Variants in RANBP2 observed in about 807,000 individuals in gnomAD.
The protein encoded by RANBP2 is RAN binding protein 2, also known as E3 SUMO-protein ligase RanBP2.
A neutral mutation model predicts 303.6 loss-of-function variants in RANBP2; 57 were observed. The ratio of observed to expected loss-of-function variants is 0.19; its 90% CI spans 0.15 to 0.23. RANBP2 has a LOEUF of 0.23. RANBP2 is among the 10% of genes least tolerant of loss of function. RANBP2 has a pLI of 1.00. For missense variants in RANBP2, 3,138 were observed against 3,780.8 expected, an observed-to-expected ratio of 0.83 and a Z score of 4.46; for synonymous variants, 1,167 against 1,301.5, an observed-to-expected ratio of 0.90 and a Z score of 2.23.
At chr2:109,211,480 C>T in the RANBP2 span, among the ~76,000 whole-genome samples, 1 of 152,072 alleles carries the variant, frequency 6.6e-6, no homozygotes, top group African/African-American at 2.4e-5. Flanking sequence ...TGCAGATGGG[C>T]GCAACTGCGG....
At chr2:109,246,573 T>G in the RANBP2 span, among the ~76,000 whole-genome samples, 2 of 151,662 alleles carry the variant, frequency 1.3e-5, no homozygotes, top group Non-Finnish European at 1.5e-5. Flanking sequence ...GGCTGGAGAG[T>G]GTAGATGTTT....
the RANBP2 span, among the ~76,000 whole-genome samples, chr2:108,796,134 C>A: frequency 6.6e-6 from 1 of 152,068 alleles, no homozygotes; most frequent in Non-Finnish European, 1.5e-5. Flanking sequence ...CTGCAAGCTC[C>A]GCCTCCTGGG....
chr2:109,737,538 G>A, the RANBP2 span: 4 of 529,598 alleles, frequency 7.6e-6, no homozygotes, highest in Non-Finnish European at 6.6e-6. Flanking sequence ...AGTGGAGGCA[G>A]AAAGCCAGAT....
chr2:109,103,886 T>A, the RANBP2 span, among the ~76,000 whole-genome samples: 40 of 151,804 alleles, frequency 2.6e-4, no homozygotes, highest in Non-Finnish European at 5.3e-4. Context: ...CTCTGCCTCC[T>A]GAGTTCACAC....
chr2:109,230,616 A>G, the RANBP2 span, among the ~76,000 whole-genome samples: 9 of 152,286 alleles, frequency 5.9e-5, no homozygotes, highest in Admixed American at 1.3e-4. Context: ...CTGTAACCCC[A>G]TTGTAAGTCA....
chr2:109,133,435 A>C, the RANBP2 span, among the ~76,000 whole-genome samples: 12 of 152,350 alleles, frequency 7.9e-5, no homozygotes, highest in African/African-American at 2.9e-4. Flanking sequence ...TTTTATAAGC[A>C]TACACGTGTA....
At chr2:109,743,414 GCTGA>G in the RANBP2 span, among the ~76,000 whole-genome samples, 9 of 147,488 alleles carry the variant, frequency 6.1e-5, no homozygotes, top group Admixed American at 2.1e-4. Context: ...CATGGGTTTG[GCTGA>G]CTTTTTAGGT....
the RANBP2 span, among the ~76,000 whole-genome samples, chr2:109,407,940 A>G: frequency 6.6e-6 from 1 of 152,156 alleles, no homozygotes. Context: ...GGGTGCTGGC[A>G]GTGTTTCTTT....
the RANBP2 span, among the ~76,000 whole-genome samples, chr2:109,652,826 C>T: frequency 0.076 from 11,569 of 152,150 alleles, 1,473 homozygotes; most frequent in African/African-American, 0.26. Context: ...AGAGATGTTT[C>T]GCGTTCTAGA....
chr2:109,200,925 G>C, the RANBP2 span, among the ~76,000 whole-genome samples: 1 of 152,160 alleles, frequency 6.6e-6, no homozygotes, highest in Admixed American at 6.5e-5. Context: ...GGTGCTGTTG[G>C]GATAGTGCAG....
chr2:109,284,856 G>A, the RANBP2 span, among the ~76,000 whole-genome samples: 1 of 152,340 alleles, frequency 6.6e-6, no homozygotes, highest in South Asian at 2.1e-4. Context: ...GTGGCTTCAT[G>A]TAGGTTGATG....
the RANBP2 span, among the ~76,000 whole-genome samples, chr2:109,104,994 C>T: frequency 6.6e-6 from 1 of 152,176 alleles, no homozygotes; most frequent in African/African-American, 2.4e-5. Context: ...GCTAGGTAGA[C>T]ATGAGCAGGG....
At chr2:109,272,971 A>G in the RANBP2 span, among the ~76,000 whole-genome samples, 516 of 152,328 alleles carry the variant, frequency 3.4e-3, 1 homozygote, top group Admixed American at 6.0e-3. Flanking sequence ...TTCCCTATTA[A>G]GCTACTGGAA....
chr2:108,778,388 G>A (rs1448804028), intron 25 of RANBP2, among the ~76,000 whole-genome samples: 1 of 152,180 alleles, frequency 6.6e-6, no homozygotes, highest in Non-Finnish European at 1.5e-5. Context: ...AACTGTAAAT[G>A]CCTTGCAGTC....
At chr2:109,141,558 C>T in the RANBP2 span, 5 of 155,000 alleles carry the variant, frequency 3.2e-5, no homozygotes, top group East Asian at 9.7e-4. Flanking sequence ...CAATTCTTTA[C>T]AGGTGTAGGC....
At chr2:108,846,205 A>G in the RANBP2 span, among the ~76,000 whole-genome samples, 413 of 152,218 alleles carry the variant, frequency 2.7e-3, 3 homozygotes, top group African/African-American at 9.3e-3. Context: ...TTCCCTTGCT[A>G]TTTCTCTGTG....
the RANBP2 span, among the ~76,000 whole-genome samples, chr2:108,869,657 T>A: frequency 6.6e-6 from 1 of 151,638 alleles, no homozygotes; most frequent in African/African-American, 2.4e-5. Context: ...TCTGGGAAAT[T>A]AAGACATTTA....
chr2:109,666,282 C>A, the RANBP2 span, among the ~76,000 whole-genome samples: 1,478 of 152,154 alleles, frequency 9.7e-3, 29 homozygotes, highest in African/African-American at 0.034. Context: ...GGATGTGGTG[C>A]CCATTGTCCA....
At chr2:109,248,500 G>A in the RANBP2 span, among the ~76,000 whole-genome samples, 14 of 152,324 alleles carry the variant, frequency 9.2e-5, 1 homozygote, top group South Asian at 2.1e-3. Flanking sequence ...TGCTCTGCAA[G>A]TGGCATTTTC....
Sources: allele counts gnomAD v4.1 joint callset (sites outside exome capture counted in the v4.1 genomes callset), GRCh38; gene constraint gnomAD v4.1.1; transcripts MANE v1.5; gene names NCBI Gene and HGNC (gene_info 2026-07-23, HGNC 2026-07-21).